The following CADM2 variants were observed in gnomAD, a reference collection of about 807,000 sequenced individuals.
The protein encoded by CADM2 is cell adhesion molecule 2.
In CADM2, 12 loss-of-function variants were observed where a neutral mutation model predicts 49.8. That is an observed-to-expected ratio of 0.24 (90% CI 0.15 to 0.39). The LOEUF (loss-of-function observed/expected upper bound fraction) is 0.39. CADM2 is among the 10% of genes least tolerant of loss of function. CADM2 has a pLI of 1.00. For synonymous variants in CADM2, 214 were observed against 175.4 expected, an observed-to-expected ratio of 1.22 and a Z score of -1.74; for missense variants, 378 against 492.3, an observed-to-expected ratio of 0.77 and a Z score of 2.20.
chr3:85,148,364 A>G (rs1194145412), intron 1 of CADM2, among the ~76,000 whole-genome samples: 1 of 152,220 alleles, frequency 6.6e-6, no homozygotes, highest in African/African-American at 2.4e-5. Flanking sequence ...GAGTAATGAA[A>G]ATTACAGATA....
chr3:85,632,372 A>G (rs147665372), intron 1 of CADM2, among the ~76,000 whole-genome samples: 99 of 152,164 alleles, frequency 6.5e-4, no homozygotes, highest in African/African-American at 2.3e-3. Context: ...TGGGTATGTC[A>G]TTATCAGCAG....
At chr3:85,448,630 G>T (rs909068434) in intron 1 of CADM2, among the ~76,000 whole-genome samples, 2 of 152,004 alleles carry the variant, frequency 1.3e-5, no homozygotes, top group Non-Finnish European at 2.9e-5. Flanking sequence ...TGAACATATG[G>T]TGCAACATAA....
intron 1 of CADM2, among the ~76,000 whole-genome samples, chr3:85,703,853 C>A (rs2066857008): frequency 6.6e-6 from 1 of 152,108 alleles, no homozygotes; most frequent in African/African-American, 2.4e-5. Context: ...CATGTCTCAC[C>A]CCCATACCAT....
At chr3:85,515,019 A>C (rs575014661) in intron 1 of CADM2, among the ~76,000 whole-genome samples, 1 of 152,286 alleles carries the variant, frequency 6.6e-6, no homozygotes, top group East Asian at 1.9e-4. Flanking sequence ...TATAGAAGTA[A>C]AACTAATGGT....
intron 1 of CADM2, among the ~76,000 whole-genome samples, chr3:85,285,664 G>A (rs1007931155): frequency 1.3e-5 from 2 of 151,826 alleles, no homozygotes; most frequent in Non-Finnish European, 2.9e-5. Context: ...AACCAAAAAG[G>A]ACAGAATTTA....
chr3:85,198,009 A>G (rs141631599), intron 1 of CADM2, among the ~76,000 whole-genome samples: 1 of 151,990 alleles, frequency 6.6e-6, no homozygotes, highest in African/African-American at 2.4e-5. Flanking sequence ...TATTTCACTG[A>G]TATCCTAGCT....
intron 1 of CADM2, among the ~76,000 whole-genome samples, chr3:85,332,890 GATAA>G (rs1007708698): frequency 1.3e-4 from 19 of 151,750 alleles, no homozygotes; most frequent in African/African-American, 4.1e-4. Context: ...GTAGTTTGTT[GATAA>G]ATATGTATGA....
At chr3:85,878,371 T>C (rs1712230126) in intron 3 of CADM2, among the ~76,000 whole-genome samples, 1 of 152,220 alleles carries the variant, frequency 6.6e-6, no homozygotes, top group Middle Eastern at 3.4e-3. Context: ...TAAAACTTCA[T>C]GTGTTCTGCT....
At chr3:85,277,052 A>G (rs2043373461) in intron 1 of CADM2, among the ~76,000 whole-genome samples, 1 of 151,448 alleles carries the variant, frequency 6.6e-6, no homozygotes, top group African/African-American at 2.4e-5. Context: ...ATGAGTTTGA[A>G]AAAGAAAAAT....
intron 1 of CADM2, among the ~76,000 whole-genome samples, chr3:85,724,586 G>A (rs2067620387): frequency 6.6e-6 from 1 of 151,816 alleles, no homozygotes; most frequent in Non-Finnish European, 1.5e-5. Flanking sequence ...AAATGAATAA[G>A]TTAGCACTCC....
intron 1 of CADM2, among the ~76,000 whole-genome samples, chr3:85,189,229 TTGATTTCTTG>T (rs1412426166): frequency 6.6e-6 from 1 of 152,030 alleles, no homozygotes; most frequent in Non-Finnish European, 1.5e-5. Flanking sequence ...TTTCATGCTT[TTGATTTCTTG>T]TGATTTGAAA....
At chr3:85,589,545 C>T (rs570462800) in intron 1 of CADM2, among the ~76,000 whole-genome samples, 3 of 152,030 alleles carry the variant, frequency 2.0e-5, no homozygotes, top group Non-Finnish European at 4.4e-5. Context: ...GCTGGTCTAA[C>T]GCAGGCCTTA....
chr3:86,020,531 C>A (rs1269394988), intron 8 of CADM2, among the ~76,000 whole-genome samples: 2 of 150,736 alleles, frequency 1.3e-5, no homozygotes, highest in East Asian at 3.9e-4. Context: ...AGAGACACAA[C>A]AAAAAAAGAG....
intron 1 of CADM2, among the ~76,000 whole-genome samples, chr3:85,375,367 A>AAGAATTGTAGAGGTGTTG (rs1250465869): frequency 6.6e-6 from 1 of 152,184 alleles, no homozygotes. Context: ...AAACACAGAC[A>AAGAATTGTAGAGGTGTTG]AGAATTGTAG....
chr3:85,898,955 A>ATATATATATATATATGTATTTTTTTTTT (rs1475991339), intron 5 of CADM2, among the ~76,000 whole-genome samples: 1 of 33,908 alleles, frequency 2.9e-5, no homozygotes, highest in African/African-American at 1.5e-4. Context: ...ATATATATAT[A>ATATATATATATATATGTATTTTTTTTTT]TTTTTTTTTT....
chr3:85,346,430 G>C (rs1180395947), intron 1 of CADM2, among the ~76,000 whole-genome samples: 1 of 151,924 alleles, frequency 6.6e-6, no homozygotes, highest in Non-Finnish European at 1.5e-5. Flanking sequence ...TAAAAACACA[G>C]ATATTTTTCA....
intron 1 of CADM2, among the ~76,000 whole-genome samples, chr3:85,692,956 G>A (rs1387243911): frequency 6.6e-6 from 1 of 152,076 alleles, no homozygotes; most frequent in Non-Finnish European, 1.5e-5. Flanking sequence ...GAGGCCGGGC[G>A]GAGTGGTTCA....
intron 2 of CADM2, among the ~76,000 whole-genome samples, chr3:85,747,052 C>T (rs1459265880): frequency 6.6e-6 from 1 of 151,976 alleles, no homozygotes; most frequent in Non-Finnish European, 1.5e-5. Context: ...CAAAGCAGAT[C>T]TGGAAATATA....
intron 2 of CADM2, chr3:85,800,547 A>C (rs1243685451): frequency 1.3e-5 from 2 of 152,598 alleles, no homozygotes; most frequent in African/African-American, 4.8e-5. Flanking sequence ...TAGGCACCCG[A>C]GGTAATCTCC....
Sources: gnomAD v4.1 joint callset for allele counts (sites outside exome capture counted in the v4.1 genomes callset) on GRCh38, gnomAD v4.1.1 for gene constraint, MANE v1.5 for transcripts, NCBI Gene and HGNC (gene_info 2026-07-23, HGNC 2026-07-21) for gene names.